The following ZFYVE21 variants were observed in gnomAD, a reference collection of about 807,000 sequenced individuals.
ZFYVE21 encodes the protein zinc finger FYVE-type containing 21, also known as zinc finger FYVE domain-containing protein 21.
ZFYVE21 carries 21 observed loss-of-function variants against 29.5 expected under a neutral mutation model. The ratio of observed to expected loss-of-function variants is 0.71; its 90% CI spans 0.50 to 1.02. The LOEUF (loss-of-function observed/expected upper bound fraction) is 1.02. ZFYVE21 is among the 50% of genes least tolerant of loss of function. The pLI is 0.00. For synonymous variants in ZFYVE21, 151 were observed against 133.8 expected (o/e 1.13, Z -0.89); for missense variants, 326 against 335.4 (o/e 0.97, Z 0.22).
Position 103,728,965 on chromosome 14 carries a change from G to A in ZFYVE21, c.416G>A (p.Arg139His), listed in dbSNP as rs963513114. 7 of 1,613,944 alleles carry A rather than the reference G, an allele frequency of 4.3e-6. No homozygotes were observed. Among genetic ancestry groups the A allele is most frequent in the Middle Eastern group, 1.6e-4 (1 of 6,062 alleles). ...NSEKPETMTC[R>H]LSNNQRYLFL... Reference sequence around the variant, plus strand: ...GAGAAACCTGAAACTATGACTTGTCGTCTTTCCAATAACCAGAGGTAAGAG... The same window carrying A: ...GAGAAACCTGAAACTATGACTTGTCATCTTTCCAATAACCAGAGGTAAGAG... Residue 139 changes from arginine (R) to histidine (H), a missense_variant, in exon 4 of 7, where the codon CGT becomes CAT. Coordinates refer to ENST00000311141, the MANE Select transcript of ZFYVE21 (RefSeq NM_024071.4).
Position 103,716,168 on chromosome 14 carries a change from G to A in ZFYVE21, c.138+189G>A, listed in dbSNP as rs1595685675. ...GCCGCCTCAGGCTCCTACGCCCGCG[G>A]GGAGGGCGGGAGGCGCGCGGTGTCC... On this transcript the variant is annotated intron_variant, in intron 1 of 6. Transcript: ENST00000311141. The surrounding 1 kb of genome is among the most constrained non-coding windows in gnomAD (Gnocchi z 4.8). Among the ~76,000 whole-genome samples the A allele has an allele frequency of 6.6e-6, 1 of 151,740 alleles. No individual in the cohort carries two copies. The highest frequency in any genetic ancestry group is 1.5e-5 in the Non-Finnish European group (1 of 67,890).
At chr14:103,720,169 A>G (rs117260308) in intron 1 of ZFYVE21, among the ~76,000 whole-genome samples, 1,869 of 152,220 alleles carry the variant, frequency 0.012, 22 homozygotes, top group Non-Finnish European at 0.02. Context: ...TACAACTCAT[A>G]TCTTCCTTCC....
rs149377639 is a variant in ZFYVE21 at position 103,733,308 on chromosome 14, T to C, written c.*290T>C. ...GCTAAACTATTTTTAGCATAATATA[T>C]ACCATTTTTATGAGTTCGCAGGTCT... On this transcript the variant is annotated 3_prime_UTR_variant, in exon 7 of 7. Transcript: ENST00000311141. 3.0e-5 allele frequency: 11 copies of C among 364,566 alleles called. No individual in the cohort carries two copies. The highest frequency in any genetic ancestry group is 2.1e-4 in the African/African-American group (10 of 47,724). The allele number at this position is 364,566 out of a possible 1,614,324, so 22.6% of individuals were successfully genotyped here. A position where few individuals can be genotyped will look rare whatever the true frequency, so the allele number is the denominator to read the frequency against.
chr14:103,729,298 G>T, intron 5 of ZFYVE21, 116 bp downstream of exon 5: 1 of 1,008,272 alleles, frequency 9.9e-7, no homozygotes, highest in South Asian at 1.5e-5. Context: ...GGTCTGCTGG[G>T]TTTCCAGGAC....
intron 5 of ZFYVE21, 32 bp downstream of exon 5, chr14:103,729,214 G>A (rs919259455): frequency 6.2e-7 from 1 of 1,611,636 alleles, no homozygotes; most frequent in African/African-American, 1.3e-5. Flanking sequence ...CCTAAGCCAG[G>A]AGGGTTTGGT....
intron 1 of ZFYVE21, among the ~76,000 whole-genome samples, chr14:103,722,827 G>T (rs1434703723): frequency 1.3e-5 from 2 of 151,510 alleles, no homozygotes; most frequent in African/African-American, 4.9e-5. Context: ...AAAAAAAAAT[G>T]TTCGTAGAGA....
intron 5 of ZFYVE21, 30 bp downstream of exon 5, chr14:103,729,212 A>G (rs770338762): frequency 1.9e-6 from 3 of 1,611,904 alleles, no homozygotes; most frequent in Non-Finnish European, 2.5e-6. Context: ...TTCCTAAGCC[A>G]GGAGGGTTTG....
At chr14:103,721,661 G>A (rs1259658622) in intron 1 of ZFYVE21, among the ~76,000 whole-genome samples, 6 of 152,216 alleles carry the variant, frequency 3.9e-5, no homozygotes, top group African/African-American at 1.4e-4. Flanking sequence ...GTTATTAGGG[G>A]CACTGCCCAA....
rs751571509 is a variant in ZFYVE21, at chr14:103,728,872, A to G, written c.359-36A>G. On this transcript the variant is annotated intron_variant, in intron 3 of 6. Transcript: ENST00000311141. ...GGGAAGGGTTAGGTGGAAAAGAAGC[A>G]GGCCCTGTTCTCACGTTTGCTTTTG... 5.6e-6 allele frequency: 9 copies of G among 1,609,012 alleles called. 1 individual carries two copies. The highest frequency in any genetic ancestry group is 1.7e-4 in the Middle Eastern group (1 of 6,040).
intron 2 of ZFYVE21, 63 bp from the exon 3 acceptor site, chr14:103,727,683 G>T (rs1208173753): frequency 5.0e-6 from 8 of 1,588,326 alleles, no homozygotes; most frequent in Non-Finnish European, 6.0e-6. Context: ...GCCAGCCGGG[G>T]CCACACCCGG....
chr14:103,715,961 G>C lies in ZFYVE21; in HGVS notation c.120G>C (p.Gln40His). Residue 40 changes from glutamine to histidine, a missense_variant, in exon 1 of 7, where the codon CAG becomes CAC. Gln to His is a conservative substitution (Grantham distance 24). Coordinates refer to ENST00000311141, the MANE Select transcript of ZFYVE21 (RefSeq NM_024071.4). ...FGSPFGLEEP[Q>H]WVPDKECRRC... ...GCCCGTTCGGCCTGGAGGAGCCGCA[G>C]TGGGTCCCGGACAAGGAGGTGGGTG... The C allele has an allele frequency of 7.2e-7, 1 of 1,398,414 alleles. No homozygotes were observed. The highest frequency in any genetic ancestry group is 9.4e-7 in the Non-Finnish European group (1 of 1,063,184). The allele number at this position is 1,398,414 out of a possible 1,614,324, so 86.6% of individuals were successfully genotyped here. A position where few individuals can be genotyped will look rare whatever the true frequency, so the allele number is the denominator to read the frequency against.
At chr14:103,718,536 C>T (rs763613335) in intron 1 of ZFYVE21, among the ~76,000 whole-genome samples, 9 of 152,274 alleles carry the variant, frequency 5.9e-5, no homozygotes, top group African/African-American at 9.6e-5. Context: ...GCAGAGGCGG[C>T]GTGTAAAGCT....
chr14:103,733,627 G>A lies in ZFYVE21; in HGVS notation c.*609G>A, dbSNP rs1174370357. ...TATTAAGATGACTGTACAGCAATTT[G>A]TATATAAAGCTTATGATTAAAAACT... On this transcript the variant is annotated 3_prime_UTR_variant, in exon 7 of 7. Transcript: ENST00000311141. 2.0e-5 allele frequency: 3 copies of A among 152,794 alleles called. No individual in the cohort carries two copies. Among genetic ancestry groups the A allele is most frequent in the African/African-American group, 7.2e-5 (3 of 41,452 alleles). 9.5% of individuals were successfully genotyped at this position (152,794 alleles called of 1,614,324 possible). A position where few individuals can be genotyped will look rare whatever the true frequency, so the allele number is the denominator to read the frequency against.
intron 5 of ZFYVE21, chr14:103,729,701 C>G (rs1193229471): frequency 7.0e-7 from 1 of 1,423,376 alleles, no homozygotes; most frequent in Admixed American, 2.0e-5. Flanking sequence ...CTGACAGATG[C>G]GTGTGCCGTA....
chr14:103,721,889 CAT>C (rs747874442), intron 1 of ZFYVE21, among the ~76,000 whole-genome samples: 26 of 152,258 alleles, frequency 1.7e-4, no homozygotes, highest in African/African-American at 4.3e-4. Context: ...GGTGGTGACA[CAT>C]GTGTACCTGG....
intron 1 of ZFYVE21, 21 bp from the exon 2 acceptor site, chr14:103,726,771 G>A (rs781111428): frequency 3.7e-6 from 6 of 1,613,634 alleles, no homozygotes; most frequent in African/African-American, 1.3e-5. Flanking sequence ...GCGTTTTAAC[G>A]CTTTGTCGTG....
chr14:103,733,064 A>C lies in ZFYVE21; in HGVS notation c.*46A>C. 1 of 1,613,594 alleles carries C rather than the reference A, an allele frequency of 6.2e-7. No individual in the cohort carries two copies. The highest frequency in any genetic ancestry group is 2.2e-5 in the East Asian group (1 of 44,886). On this transcript the variant is annotated 3_prime_UTR_variant, in exon 7 of 7. Coordinates refer to ENST00000311141, the MANE Select transcript of ZFYVE21 (RefSeq NM_024071.4). ...GGAGTACGTGTGGTCACCAGGACTG[A>C]GTCGCTTGGAACAGCAGAGCCTGCT...
chr14:103,726,917 C>G (rs1595691176), intron 2 of ZFYVE21, 75 bp downstream of exon 2: 1 of 1,466,008 alleles, frequency 6.8e-7, no homozygotes, highest in East Asian at 2.3e-5. Context: ...GCTGCCCCTT[C>G]TGGCAGGGGA....
At chr14:103,717,569 G>C (rs979947113) in intron 1 of ZFYVE21, among the ~76,000 whole-genome samples, 2 of 152,192 alleles carry the variant, frequency 1.3e-5, no homozygotes, top group Non-Finnish European at 2.9e-5. Context: ...ATTTTTCCCT[G>C]CCTTTCTTTG....
Sources: gnomAD v4.1 joint callset for allele counts (sites outside exome capture counted in the v4.1 genomes callset) on GRCh38, gnomAD v4.1.1 for gene constraint, Gnocchi (gnomAD v3.1) non-coding constraint, MANE v1.5 for transcripts, NCBI Gene and HGNC (gene_info 2026-07-23, HGNC 2026-07-21) for gene names.